COL13A1: variants seen among roughly 807,000 people sequenced by gnomAD.
The protein encoded by COL13A1 is collagen type XIII alpha 1 chain, also known as collagen alpha-1(XIII) chain.
A neutral mutation model predicts 130.9 loss-of-function variants in COL13A1; 89 were observed. The ratio of observed to expected loss-of-function variants is 0.68; its 90% confidence interval spans 0.57 to 0.81. COL13A1 has a LOEUF of 0.81. COL13A1 is among the 30% of genes least tolerant of loss of function. The pLI is 0.00. For synonymous variants in COL13A1, 402 were observed against 341.6 expected, an observed-to-expected ratio of 1.18 and a Z score of -1.95; for missense variants, 879 against 934.6, an observed-to-expected ratio of 0.94 and a Z score of 0.78.
At chr10:69,930,590 C>G in intron 30 of COL13A1, 38 bp downstream of exon 30, 1 of 1,591,930 alleles carries the variant, frequency 6.3e-7, no homozygotes. Flanking sequence ...GTGCATACAC[C>G]ACTCCCAAGC....
intron 21 of COL13A1, among the ~76,000 whole-genome samples, chr10:69,921,388 A>T (rs2064648501): frequency 6.6e-6 from 1 of 152,256 alleles, no homozygotes; most frequent in African/African-American, 2.4e-5. Context: ...ATTTGCAATG[A>T]CCCTATGTCC....
intron 32 of COL13A1, among the ~76,000 whole-genome samples, chr10:69,936,455 G>T (rs2066932958): frequency 6.6e-6 from 1 of 152,180 alleles, no homozygotes; most frequent in Non-Finnish European, 1.5e-5. Flanking sequence ...CACTTTGCCT[G>T]TATTAATTTA....
chr10:69,919,036 A>G (rs781611624), intron 19 of COL13A1, 26 bp from the exon 20 acceptor site: 2 of 1,613,826 alleles, frequency 1.2e-6, no homozygotes, highest in Non-Finnish European at 1.7e-6. Context: ...TCTGTCTCTC[A>G]CATTTGTTTC....
At chr10:69,831,717 G>C (rs140925151) in intron 2 of COL13A1, among the ~76,000 whole-genome samples, 3 of 152,316 alleles carry the variant, frequency 2.0e-5, no homozygotes, top group East Asian at 1.9e-4. Context: ...GAGCTGTGCT[G>C]TCTGCAGGAA....
intron 2 of COL13A1, among the ~76,000 whole-genome samples, chr10:69,826,206 G>T (rs188806760): frequency 3.3e-5 from 5 of 152,332 alleles, no homozygotes; most frequent in Admixed American, 6.5e-5. Flanking sequence ...CTTCAGGCCC[G>T]CCACGCTGGG....
intron 2 of COL13A1, among the ~76,000 whole-genome samples, chr10:69,846,003 C>T (rs559586145): frequency 1.1e-4 from 17 of 152,394 alleles, no homozygotes; most frequent in African/African-American, 3.8e-4. Context: ...GTCTGTTTCC[C>T]CAAGGCCTGG....
At chr10:69,852,712 G>A (rs541254866) in intron 2 of COL13A1, among the ~76,000 whole-genome samples, 11 of 152,388 alleles carry the variant, frequency 7.2e-5, no homozygotes, top group African/African-American at 2.6e-4. Context: ...GTACAAGGGT[G>A]GCGCCAAGAG....
At chr10:69,850,026 T>C (rs1420402067) in intron 2 of COL13A1, among the ~76,000 whole-genome samples, 1 of 152,054 alleles carries the variant, frequency 6.6e-6, no homozygotes, top group Non-Finnish European at 1.5e-5. Context: ...CCTGAACACA[T>C]AGTGACGGTG....
intron 20 of COL13A1, 21 bp from the exon 21 acceptor site, chr10:69,919,644 C>T (rs2064371333): frequency 2.5e-6 from 1 of 398,720 alleles, no homozygotes; most frequent in African/African-American, 2.1e-5. Flanking sequence ...TTATCAGTGA[C>T]TTTCTCTTCT....
chr10:69,804,299 GC>G (rs1214709427), intron 1 of COL13A1, among the ~76,000 whole-genome samples: 2 of 152,042 alleles, frequency 1.3e-5, no homozygotes, highest in Non-Finnish European at 2.9e-5. Flanking sequence ...CTCTCTCCAT[GC>G]TTTCCCCTTC....
intron 35 of COL13A1, among the ~76,000 whole-genome samples, chr10:69,943,783 C>T (rs1198443731): frequency 2.6e-5 from 4 of 152,228 alleles, no homozygotes; most frequent in South Asian, 2.1e-4. Flanking sequence ...TGCCAGCCCC[C>T]GGCCCCTGCC....
At chr10:69,853,858 C>T (rs781538029) in intron 2 of COL13A1, among the ~76,000 whole-genome samples, 52 of 151,914 alleles carry the variant, frequency 3.4e-4, no homozygotes, top group Non-Finnish European at 5.1e-4. Context: ...TGCGTGTGGA[C>T]GAGGATCAGA....
intron 2 of COL13A1, among the ~76,000 whole-genome samples, chr10:69,853,973 A>G (rs2133620694): frequency 6.6e-6 from 1 of 152,388 alleles, no homozygotes; most frequent in Admixed American, 6.5e-5. Flanking sequence ...AGCTGTTTGA[A>G]CAATAAATAT....
intron 2 of COL13A1, among the ~76,000 whole-genome samples, chr10:69,853,460 A>G (rs1855540852): frequency 6.6e-6 from 1 of 152,186 alleles, no homozygotes; most frequent in Non-Finnish European, 1.5e-5. Context: ...TACGATTGCC[A>G]TAGGATCTAG....
In COL13A1 at chr10:69,958,538, G is replaced by A. The variant is rs1026214630; in HGVS notation, c.2185-161G>A. 3.9e-5 allele frequency among the ~76,000 whole-genome samples: 6 copies of A among 152,146 alleles called. No homozygotes were observed. In the East Asian group the frequency reaches 7.7e-4, roughly 20 times the overall value. On this transcript the variant is annotated intron_variant, in intron 40 of 40. Transcript: ENST00000645393. ...TTCCTCCCTTCAGGGAGCTAAGGTC[G>A]CCACCAGTTTCTTTCACCTAGGGGC...
intron 15 of COL13A1, among the ~76,000 whole-genome samples, chr10:69,904,223 C>G (rs1286213762): frequency 6.6e-6 from 1 of 152,114 alleles, no homozygotes; most frequent in Non-Finnish European, 1.5e-5. Context: ...TACCCCACCC[C>G]CCTCCTAACA....
At chr10:69,880,629 G>A in intron 7 of COL13A1, 76 bp downstream of exon 7, 1 of 1,494,362 alleles carries the variant, frequency 6.7e-7, no homozygotes, top group Admixed American at 1.7e-5. Flanking sequence ...GGCTGGGGAT[G>A]AGGGGACAGC....
At chr10:69,846,617 T>C (rs1853182533) in intron 2 of COL13A1, among the ~76,000 whole-genome samples, 1 of 152,112 alleles carries the variant, frequency 6.6e-6, no homozygotes, top group Non-Finnish European at 1.5e-5. Flanking sequence ...CTTCCTTTGA[T>C]GGACAGCCAA....
intron 19 of COL13A1, 98 bp downstream of exon 19, chr10:69,918,415 C>A: frequency 2.5e-6 from 3 of 1,178,602 alleles, no homozygotes; most frequent in South Asian, 2.7e-5. Context: ...GGCTGCCAGA[C>A]CAATGAGGGG....
Sources: allele counts gnomAD v4.1 joint callset (sites outside exome capture counted in the v4.1 genomes callset), GRCh38; gene constraint gnomAD v4.1.1; transcripts MANE v1.5; gene names NCBI Gene and HGNC (gene_info 2026-07-23, HGNC 2026-07-21).